The following NETO1 variants were observed in gnomAD, a reference collection of about 807,000 sequenced individuals.
The protein encoded by NETO1 is neuropilin and tolloid-like protein 1.
A neutral mutation model predicts 61.3 loss-of-function variants in NETO1; 26 were observed. The ratio of observed to expected loss-of-function variants is 0.42; its 90% confidence interval spans 0.31 to 0.59. The LOEUF (loss-of-function observed/expected upper bound fraction) is 0.59. Among genes scored for constraint, NETO1 ranks in the 20% least tolerant of loss-of-function variants. The pLI, the probability that NETO1 is intolerant of heterozygous loss-of-function variation, is 0.12. For missense variants in NETO1, 531 were observed against 662.8 expected (o/e 0.80, Z 2.18); for synonymous variants, 225 against 225.8 (o/e 1.00, Z 0.03).
intron 4 of NETO1, among the ~76,000 whole-genome samples, chr18:72,839,217 T>C (rs2073847562): frequency 6.6e-6 from 1 of 152,286 alleles, no homozygotes; most frequent in Non-Finnish European, 1.5e-5. Context: ...AATCCCAGTA[T>C]GAGTAAAAAG....
At chr18:72,863,898 G>T (rs2074655677) in intron 3 of NETO1, among the ~76,000 whole-genome samples, 1 of 152,128 alleles carries the variant, frequency 6.6e-6, no homozygotes, top group African/African-American at 2.4e-5. Context: ...CAGATGAAAT[G>T]CTTCTACATT....
At chr18:72,855,116 A>T (rs1228787730) in intron 4 of NETO1, among the ~76,000 whole-genome samples, 2 of 152,206 alleles carry the variant, frequency 1.3e-5, no homozygotes, top group African/African-American at 4.8e-5. Flanking sequence ...GAGTTATCAA[A>T]TATTCCATGG....
At chr18:72,808,612 C>A (rs764636474) in intron 4 of NETO1, among the ~76,000 whole-genome samples, 1 of 152,100 alleles carries the variant, frequency 6.6e-6, no homozygotes, top group Non-Finnish European at 1.5e-5. Context: ...TAAAGATGTA[C>A]GTTTAAGCAT....
chr18:72,818,204 T>C (rs1487934263), intron 4 of NETO1, among the ~76,000 whole-genome samples: 1 of 152,194 alleles, frequency 6.6e-6, no homozygotes, highest in Non-Finnish European at 1.5e-5. Context: ...AATTTGCAAG[T>C]GTACTAAATA....
chr18:72,851,132 C>A (rs1397331343), intron 4 of NETO1, among the ~76,000 whole-genome samples: 1 of 151,766 alleles, frequency 6.6e-6, no homozygotes, highest in African/African-American at 2.4e-5. Context: ...GGGAGATCGG[C>A]CGGGCATGGT....
intron 7 of NETO1, among the ~76,000 whole-genome samples, chr18:72,756,862 AATG>A (rs1335346952): frequency 1.3e-5 from 2 of 152,124 alleles, no homozygotes; most frequent in African/African-American, 4.8e-5. Flanking sequence ...ATGGCTAAAT[AATG>A]ATGAGAAAAC....
intron 7 of NETO1, among the ~76,000 whole-genome samples, chr18:72,760,513 G>A (rs4892039): frequency 0.68 from 102,646 of 151,944 alleles, 34,997 homozygotes; most frequent in Admixed American, 0.76. Context: ...TTGCTTCCTC[G>A]TGAGCAAAAG....
At chr18:72,774,857 TTG>T (rs1254745192) in intron 7 of NETO1, among the ~76,000 whole-genome samples, 1 of 152,226 alleles carries the variant, frequency 6.6e-6, no homozygotes, top group Non-Finnish European at 1.5e-5. Flanking sequence ...ACTAAACATT[TTG>T]TGTGATTCAA....
chr18:72,761,052 T>TTAAAATGTTAAGATGTATGATA (rs2070955065), intron 7 of NETO1, among the ~76,000 whole-genome samples: 3 of 144,774 alleles, frequency 2.1e-5, no homozygotes, highest in African/African-American at 8.5e-5. Flanking sequence ...AACAAAAAAC[T>TTAAAATGTTAAGATGTATGATA]TAAAATGTTA....
At chr18:72,754,813 C>CT (rs2145099446) in intron 8 of NETO1, among the ~76,000 whole-genome samples, 1 of 152,234 alleles carries the variant, frequency 6.6e-6, no homozygotes, top group Non-Finnish European at 1.5e-5. Context: ...TGCTTTATAG[C>CT]TTGTTTAAGT....
chr18:72,757,712 A>G (rs72962361), intron 7 of NETO1, among the ~76,000 whole-genome samples: 2,981 of 152,298 alleles, frequency 0.02, 25 homozygotes, highest in Middle Eastern at 0.027. Context: ...GTAAAATTTA[A>G]CAATCCAGTA....
intron 4 of NETO1, among the ~76,000 whole-genome samples, chr18:72,823,891 C>T (rs2073290617): frequency 6.6e-6 from 1 of 152,076 alleles, no homozygotes; most frequent in Non-Finnish European, 1.5e-5. Context: ...TACTCTCTGC[C>T]CCTAAACAGA....
At chr18:72,761,120 A>G (rs2070958847) in intron 7 of NETO1, among the ~76,000 whole-genome samples, 1 of 152,238 alleles carries the variant, frequency 6.6e-6, no homozygotes, top group Admixed American at 6.5e-5. Context: ...TGTATGATAT[A>G]AAATGTTAAG....
intron 4 of NETO1, among the ~76,000 whole-genome samples, chr18:72,851,684 G>C (rs570262999): frequency 6.6e-6 from 1 of 152,100 alleles, no homozygotes; most frequent in Non-Finnish European, 1.5e-5. Flanking sequence ...TGGACATTGC[G>C]AGTGGAAAAA....
chr18:72,768,877 T>C (rs895147314), intron 7 of NETO1, among the ~76,000 whole-genome samples: 1 of 152,214 alleles, frequency 6.6e-6, no homozygotes, highest in Non-Finnish European at 1.5e-5. Context: ...ACTCCAGAAG[T>C]GTAAGATAAT....
intron 7 of NETO1, among the ~76,000 whole-genome samples, chr18:72,767,309 A>G (rs1438797508): frequency 2.0e-5 from 3 of 152,230 alleles, no homozygotes; most frequent in Non-Finnish European, 4.4e-5. Flanking sequence ...TTGTAAAGCT[A>G]GAATCAGACA....
chr18:72,779,392 C>G (rs2071664023), intron 7 of NETO1, among the ~76,000 whole-genome samples: 1 of 151,996 alleles, frequency 6.6e-6, no homozygotes, highest in Non-Finnish European at 1.5e-5. Flanking sequence ...CTATCACCCT[C>G]TACAAGAACC....
At chr18:72,789,233 C>A (rs1203477346) in intron 6 of NETO1, among the ~76,000 whole-genome samples, 3 of 146,202 alleles carry the variant, frequency 2.1e-5, no homozygotes, top group Admixed American at 6.8e-5. Context: ...CACACACACA[C>A]ACACACACAC....
chr18:72,812,618 T>C (rs889369812), intron 4 of NETO1, among the ~76,000 whole-genome samples: 19 of 152,204 alleles, frequency 1.2e-4, no homozygotes, highest in Admixed American at 5.2e-4. Flanking sequence ...TGGTATATTT[T>C]CTTTTTTAGT....
Sources: gnomAD v4.1 joint callset for allele counts (sites outside exome capture counted in the v4.1 genomes callset) on GRCh38, gnomAD v4.1.1 for gene constraint, MANE v1.5 for transcripts, NCBI Gene and HGNC (gene_info 2026-07-23, HGNC 2026-07-21) for gene names.